MEIS1: variants seen among roughly 807,000 people sequenced by gnomAD.
MEIS1 encodes the protein Meis homeobox 1, also known as homeobox protein Meis1.
A neutral mutation model predicts 50.8 loss-of-function variants in MEIS1; 5 were observed. That is an observed-to-expected ratio of 0.10 (90% CI 0.05 to 0.21). The LOEUF is 0.21. MEIS1 is among the 10% of genes least tolerant of loss of function. MEIS1 has a pLI of 1.00. For missense variants in MEIS1, 318 were observed against 517.3 expected, an observed-to-expected ratio of 0.61 and a Z score of 3.74; for synonymous variants, 176 against 179.3, an observed-to-expected ratio of 0.98 and a Z score of 0.15.
intron 8 of MEIS1, among the ~76,000 whole-genome samples, chr2:66,527,737 T>C (rs1674291246): frequency 6.6e-6 from 1 of 151,858 alleles, no homozygotes; most frequent in East Asian, 1.9e-4. Context: ...ATAGTTTCCA[T>C]GATATGATGA....
At chr2:66,536,710 G>A (rs1276533635) in intron 8 of MEIS1, among the ~76,000 whole-genome samples, 1 of 152,138 alleles carries the variant, frequency 6.6e-6, no homozygotes, top group African/African-American at 2.4e-5. Flanking sequence ...TCCCAGCTAA[G>A]GTTATAAACA....
intron 2 of MEIS1, chr2:66,439,311 G>C: frequency 8.8e-7 from 1 of 1,133,454 alleles, no homozygotes; most frequent in Non-Finnish European, 1.1e-6. Context: ...GGGATCCCTA[G>C]GTGCAGCCCG....
intron 7 of MEIS1, among the ~76,000 whole-genome samples, chr2:66,496,422 C>T (rs948519152): frequency 2.0e-5 from 3 of 151,984 alleles, no homozygotes; most frequent in Non-Finnish European, 2.9e-5. Context: ...CTTCTCTGGT[C>T]GAGCAGCCTG....
intron 6 of MEIS1, among the ~76,000 whole-genome samples, chr2:66,463,876 C>T (rs1273984258): frequency 6.6e-6 from 1 of 152,190 alleles, no homozygotes; most frequent in Non-Finnish European, 1.5e-5. Context: ...ATAAAGCATG[C>T]AATTACTTAC....
At chr2:66,458,763 G>A (rs539669317) in intron 6 of MEIS1, among the ~76,000 whole-genome samples, 25 of 152,216 alleles carry the variant, frequency 1.6e-4, no homozygotes, top group African/African-American at 5.5e-4. Flanking sequence ...TTATAGTGGT[G>A]TGTGTTTGTG....
intron 5 of MEIS1, among the ~76,000 whole-genome samples, chr2:66,442,269 G>GT (rs1672008512): frequency 2.2e-5 from 1 of 46,402 alleles, no homozygotes; most frequent in Admixed American, 2.2e-4. Context: ...TCTCCTTTTT[G>GT]TAAAAAAAAA....
intron 7 of MEIS1, among the ~76,000 whole-genome samples, chr2:66,498,445 T>C (rs60585841): frequency 0.18 from 27,668 of 152,026 alleles, 3,120 homozygotes; most frequent in South Asian, 0.31. Flanking sequence ...AGCTAAGCTA[T>C]TCTCTTGTAA....
chr2:66,479,290 T>A (rs1414686016), intron 7 of MEIS1, among the ~76,000 whole-genome samples: 1 of 152,202 alleles, frequency 6.6e-6, no homozygotes. Context: ...TTAAAGAAAA[T>A]GTTTTATTCC....
intron 8 of MEIS1, among the ~76,000 whole-genome samples, chr2:66,521,997 C>T (rs1262635300): frequency 6.6e-6 from 1 of 152,174 alleles, no homozygotes; most frequent in Non-Finnish European, 1.5e-5. Flanking sequence ...TTCTTCCACC[C>T]ACATCCGTAA....
intron 12 of MEIS1, 69 bp downstream of exon 12, chr2:66,569,214 T>C (rs1572912271): frequency 1.5e-6 from 2 of 1,311,744 alleles, no homozygotes; most frequent in East Asian, 4.6e-5. Context: ...TTTTCTTATG[T>C]TCTCCTTGCC....
At chr2:66,454,179 A>C (rs982368871) in intron 6 of MEIS1, among the ~76,000 whole-genome samples, 5 of 152,100 alleles carry the variant, frequency 3.3e-5, no homozygotes, top group Non-Finnish European at 7.4e-5. Context: ...ATCCCCAATG[A>C]GCACTTCATT....
At position 66,440,969 on chromosome 2, in the gene MEIS1, C is replaced by T. The variant is rs561120619; in HGVS notation, c.432+357C>T. 3.0e-4 allele frequency: 105 copies of T among 347,910 alleles called. 1 individual carries two copies. In the South Asian group the frequency reaches 8.2e-3, roughly 27 times the overall value. The allele number at this position is 347,910 out of a possible 1,614,324, so 21.6% of individuals were successfully genotyped here. The stretch of plus-strand genomic sequence containing the variant: ...TAAGTCCCATCACGAGGGCAGCCAC[C>T]GGACAAGAGCCCCCAAACAACCAGT... On this transcript the variant is annotated intron_variant, in intron 4 of 12. Transcript: ENST00000272369.
At chr2:66,525,831 C>A (rs972358707) in intron 8 of MEIS1, among the ~76,000 whole-genome samples, 6 of 152,212 alleles carry the variant, frequency 3.9e-5, no homozygotes, top group African/African-American at 1.4e-4. Flanking sequence ...TGACAATATG[C>A]AGCGACGGAA....
chr2:66,441,846 G>A (rs915267102), intron 5 of MEIS1: 2 of 197,074 alleles, frequency 1.0e-5, no homozygotes, highest in African/African-American at 4.8e-5. Context: ...GGAGAAAAAA[G>A]TTTTATTCAG....
chr2:66,537,853 G>C (rs1169600973), intron 8 of MEIS1, among the ~76,000 whole-genome samples: 5 of 152,210 alleles, frequency 3.3e-5, no homozygotes, highest in African/African-American at 1.2e-4. Flanking sequence ...AAATTGTAGA[G>C]ATGGGCTATA....
intron 6 of MEIS1, chr2:66,443,669 C>T (rs1431975168): frequency 6.6e-6 from 1 of 152,250 alleles, no homozygotes; most frequent in Non-Finnish European, 1.5e-5. Context: ...AAGACCAGGC[C>T]GAGGTTATAA....
chr2:66,500,171 A>G (rs971504211), intron 7 of MEIS1, among the ~76,000 whole-genome samples: 2 of 152,214 alleles, frequency 1.3e-5, no homozygotes, highest in Non-Finnish European at 2.9e-5. Flanking sequence ...TGTAGAAAGT[A>G]TACGAGCTTT....
intron 7 of MEIS1, among the ~76,000 whole-genome samples, chr2:66,478,450 T>C (rs1016678619): frequency 6.6e-6 from 1 of 152,224 alleles, no homozygotes; most frequent in African/African-American, 2.4e-5. Flanking sequence ...ATGTCTTACT[T>C]TGCAGCTGGA....
intron 6 of MEIS1, among the ~76,000 whole-genome samples, chr2:66,460,717 A>AT (rs761055240): frequency 1.8e-3 from 275 of 151,268 alleles, no homozygotes; most frequent in African/African-American, 6.5e-3. Context: ...CCAGCAAAAG[A>AT]TTTTTTTTTC....
Sources: gnomAD v4.1 joint callset for allele counts (sites outside exome capture counted in the v4.1 genomes callset) on GRCh38, gnomAD v4.1.1 for gene constraint, MANE v1.5 for transcripts, NCBI Gene and HGNC (gene_info 2026-07-23, HGNC 2026-07-21) for gene names.